ADAMTS14: variants seen among roughly 807,000 people sequenced by gnomAD.
ADAMTS14 encodes A disintegrin and metalloproteinase with thrombospondin motifs 14.
In ADAMTS14, 100 loss-of-function variants were observed where a neutral mutation model predicts 128.6. That is an observed-to-expected ratio of 0.78 (90% CI 0.66 to 0.92). ADAMTS14 has a LOEUF of 0.92. Among genes scored for constraint, ADAMTS14 ranks in the 40% least tolerant of loss-of-function variants. The pLI, the probability that ADAMTS14 is intolerant of heterozygous loss-of-function variation, is 0.00. For synonymous variants in ADAMTS14, 665 were observed against 653.8 expected, an observed-to-expected ratio of 1.02 and a Z score of -0.26; for missense variants, 1,562 against 1,658.6, an observed-to-expected ratio of 0.94 and a Z score of 1.01.
chr10:70,730,408 A>T (rs1027517179), intron 6 of ADAMTS14, 159 bp downstream of exon 6: 3 of 1,111,860 alleles, frequency 2.7e-6, no homozygotes, highest in Non-Finnish European at 2.5e-6. Context: ...GCAATGGTTT[A>T]TTGGGACCGT....
chr10:70,749,299 A>G (rs1175927649), intron 15 of ADAMTS14, among the ~76,000 whole-genome samples: 1 of 152,186 alleles, frequency 6.6e-6, no homozygotes, highest in Non-Finnish European at 1.5e-5. Context: ...CTGGGGCAGC[A>G]GCAGCCCTGC....
At position 70,752,122 on chromosome 10, in the gene ADAMTS14, G is replaced by A. The variant is rs368915688; in HGVS notation, c.2624G>A (p.Arg875Gln). Residue 875 changes from arginine to glutamine, a missense_variant, in exon 18 of 22, where the codon CGG becomes CAG. By Grantham distance (43) the Arg-to-Gln change is conservative. Transcript: ENST00000373207. ...GGIQFTKYGCRRRRDHHMVQR... is the reference protein window; with the variant it reads ...GGIQFTKYGCQRRRDHHMVQR... ...ATCCAGTTCACCAAATACGGCTGCC[G>A]GCGCAGACGAGACCACCACATGGTG... 1.7e-4 allele frequency: 268 copies of A among 1,613,036 alleles called. No individual in the cohort carries two copies. Among genetic ancestry groups the A allele is most frequent in the Non-Finnish European group, 2.1e-4 (248 of 1,179,910 alleles).
intron 4 of ADAMTS14, among the ~76,000 whole-genome samples, chr10:70,714,453 C>G (rs541083463): frequency 6.6e-6 from 1 of 152,342 alleles, no homozygotes; most frequent in South Asian, 2.1e-4. Flanking sequence ...CCCTCTTCCC[C>G]AGGCCTGGTG....
In ADAMTS14 at chr10:70,736,729, AC is replaced by A; in HGVS notation, c.1538del (p.Pro513ArgfsTer80). ...CAGCTGTGGTGCAGCCATCCTGACA[AC>A]CCGTACTTCTGCAAGACCAAGAAGG... ...CKQLWCSHPD[N>X]PYFCKTKKGP... On this transcript the variant is annotated frameshift_variant, in exon 10 of 22. Coordinates refer to ENST00000373207, the MANE Select transcript of ADAMTS14 (RefSeq NM_080722.4). LOFTEE classifies it high-confidence loss of function. The A allele has an allele frequency of 6.2e-7, 1 of 1,613,770 alleles. No homozygotes were observed. The highest frequency in any genetic ancestry group is 2.2e-5 in the East Asian group (1 of 44,862).
At chr10:70,700,099 C>A (rs146535927) in intron 2 of ADAMTS14, among the ~76,000 whole-genome samples, 2 of 152,050 alleles carry the variant, frequency 1.3e-5, no homozygotes, top group East Asian at 3.9e-4. Context: ...AACAAAGCTG[C>A]GGTAGGCCTT....
chr10:70,672,892 C>T lies in ADAMTS14; in HGVS notation c.82+8C>T. 1.4e-6 allele frequency: 2 copies of T among 1,464,798 alleles called. No individual in the cohort carries two copies. The highest frequency in any genetic ancestry group is 9.0e-7 in the Non-Finnish European group (1 of 1,115,858). 90.7% of individuals were successfully genotyped at this position (1,464,798 alleles called of 1,614,324 possible). On this transcript the variant is annotated splice_region_variant and intron_variant, in intron 1 of 21. Transcript: ENST00000373207. ...CGGGCAGCCGGACCCCAGGTGCGTG[C>T]GGGTTGGGCGCGCGGGGGCCCGTGG...
chr10:70,690,980 A>T lies in ADAMTS14; in HGVS notation c.523-11332A>T, dbSNP rs142595617. On this transcript the variant is annotated intron_variant, in intron 2 of 21. Transcript: ENST00000373207. ...GGGCTATGATGGTGACAGAGGGGGAAGCCTCAGAGCCGCTTGGCTCCTGGG... is the reference window on the plus strand; with the variant it reads ...GGGCTATGATGGTGACAGAGGGGGATGCCTCAGAGCCGCTTGGCTCCTGGG... 4.8e-5 allele frequency among the ~76,000 whole-genome samples: 7 copies of T among 144,728 alleles called. No individual in the cohort carries two copies. The East Asian group carries it at 1.2e-3, about 24-fold the overall frequency. 94.9% of individuals were successfully genotyped at this position (144,728 alleles called of 152,430 possible). A position where few individuals can be genotyped will look rare whatever the true frequency, so the allele number is the denominator to read the frequency against.
intron 8 of ADAMTS14, 59 bp downstream of exon 8, chr10:70,734,087 C>T: frequency 1.3e-6 from 2 of 1,577,550 alleles, no homozygotes; most frequent in Non-Finnish European, 8.6e-7. Context: ...CCACTCTGAG[C>T]AGACATCACA....
chr10:70,717,566 A>G (rs1337060580), intron 4 of ADAMTS14, among the ~76,000 whole-genome samples: 1 of 152,102 alleles, frequency 6.6e-6, no homozygotes, highest in Non-Finnish European at 1.5e-5. Context: ...TCCAAGGTGG[A>G]TCTGCAGGTT....
intron 14 of ADAMTS14, among the ~76,000 whole-genome samples, 163 bp from the exon 15 acceptor site, chr10:70,745,063 G>A (rs1413937293): frequency 2.6e-5 from 4 of 152,188 alleles, no homozygotes; most frequent in African/African-American, 7.2e-5. Flanking sequence ...CACCCTCATG[G>A]AGAAGGTCTC....
In ADAMTS14 at chr10:70,672,659, G is replaced by A; in HGVS notation, c.-144G>A. The A allele has an allele frequency of 8.5e-7, 1 of 1,181,116 alleles. No homozygotes were observed. Among genetic ancestry groups the A allele is most frequent in the Non-Finnish European group, 1.1e-6 (1 of 928,400 alleles). 73.2% of individuals were successfully genotyped at this position (1,181,116 alleles called of 1,614,324 possible). A position where few individuals can be genotyped will look rare whatever the true frequency, so the allele number is the denominator to read the frequency against. ...GGGACCCGGAGCAGGCGGGAGGGAA[G>A]CAGCTAGGCGGGGAGGCGGCTGAGG... On this transcript the variant is annotated 5_prime_UTR_variant, in exon 1 of 22. Coordinates refer to ENST00000373207, the MANE Select transcript of ADAMTS14 (RefSeq NM_080722.4).
At chr10:70,682,496 A>G (rs1839840674) in intron 2 of ADAMTS14, among the ~76,000 whole-genome samples, 1 of 152,186 alleles carries the variant, frequency 6.6e-6, no homozygotes, top group Admixed American at 6.5e-5. Context: ...TGCCTGTTAC[A>G]TGCCATGACC....
At chr10:70,745,112 G>T in intron 14 of ADAMTS14, 114 bp from the exon 15 acceptor site, 1 of 917,986 alleles carries the variant, frequency 1.1e-6, no homozygotes. Context: ...GATTCAGAGA[G>T]GTTCTGTGAT....
At chr10:70,705,621 C>A (rs1840642138) in intron 3 of ADAMTS14, among the ~76,000 whole-genome samples, 1 of 152,274 alleles carries the variant, frequency 6.6e-6, no homozygotes, top group Admixed American at 6.5e-5. Flanking sequence ...CGCCCCCTGG[C>A]AACCACTAAT....
At chr10:70,736,566 C>A in intron 9 of ADAMTS14, 114 bp from the exon 10 acceptor site, 1 of 908,380 alleles carries the variant, frequency 1.1e-6, no homozygotes, top group South Asian at 2.1e-5. Context: ...GCTGCCTTCC[C>A]TGCAGTGCCC....
chr10:70,754,613 A>G (rs1176154124), intron 19 of ADAMTS14, among the ~76,000 whole-genome samples: 1 of 152,126 alleles, frequency 6.6e-6, no homozygotes, highest in East Asian at 1.9e-4. Context: ...CCAACAGGAC[A>G]GTGGGGCTGG....
intron 4 of ADAMTS14, among the ~76,000 whole-genome samples, chr10:70,726,750 C>A (rs895877333): frequency 4.6e-5 from 7 of 152,134 alleles, no homozygotes; most frequent in African/African-American, 1.7e-4. Context: ...CACCAGGGAG[C>A]CTATGTGTGT....
chr10:70,675,033 C>A (rs147532816), intron 2 of ADAMTS14, 38 bp downstream of exon 2: 3 of 1,593,476 alleles, frequency 1.9e-6, no homozygotes, highest in African/African-American at 1.3e-5. Flanking sequence ...CATCCTCCCC[C>A]TCCCATGCCC....
At chr10:70,683,741 C>T (rs943642629) in intron 2 of ADAMTS14, among the ~76,000 whole-genome samples, 1 of 152,192 alleles carries the variant, frequency 6.6e-6, no homozygotes, top group Non-Finnish European at 1.5e-5. Context: ...CGTGGCTGTG[C>T]TCCGCTGAAG....
Sources: gnomAD v4.1 joint callset for allele counts (sites outside exome capture counted in the v4.1 genomes callset) on GRCh38, gnomAD v4.1.1 for gene constraint, MANE v1.5 for transcripts, NCBI Gene and HGNC (gene_info 2026-07-23, HGNC 2026-07-21) for gene names.